PICALM: variants seen among roughly 807,000 people sequenced by gnomAD.
PICALM encodes phosphatidylinositol-binding clathrin assembly protein.
In PICALM, 40 loss-of-function variants were observed where a neutral mutation model predicts 80.5. The observed-to-expected ratio is 0.50, with a 90% CI of 0.39 to 0.65. The LOEUF is 0.65. PICALM is among the 30% of genes least tolerant of loss of function. The probability of loss-of-function intolerance (pLI) is 0.00; values close to 1 mark genes in which losing one functional copy is unlikely to be tolerated. For missense variants in PICALM, 676 were observed against 778.9 expected (o/e 0.87, Z 1.57); for synonymous variants, 288 against 260.3 (o/e 1.11, Z -1.02).
At chr11:86,037,090 G>A (rs1213744528) in intron 1 of PICALM, among the ~76,000 whole-genome samples, 28 of 146,758 alleles carry the variant, frequency 1.9e-4, no homozygotes. Context: ...GGACTACAGG[G>A]GCCCGCCACC....
chr11:86,034,106 T>TA (rs559349103), intron 1 of PICALM, among the ~76,000 whole-genome samples: 3 of 151,918 alleles, frequency 2.0e-5, no homozygotes, highest in Non-Finnish European at 4.4e-5. Flanking sequence ...CTCCAGAAGC[T>TA]AAAAAAAATT....
intron 11 of PICALM, among the ~76,000 whole-genome samples, chr11:86,000,398 G>A (rs914049672): frequency 2.6e-5 from 4 of 152,156 alleles, no homozygotes; most frequent in Admixed American, 2.0e-4. Flanking sequence ...TTGGCCCAGA[G>A]ATAACAGCTA....
At chr11:86,051,754 C>T (rs567345411) in intron 1 of PICALM, among the ~76,000 whole-genome samples, 2 of 152,290 alleles carry the variant, frequency 1.3e-5, no homozygotes, top group Admixed American at 6.5e-5. Flanking sequence ...AAGCTCTCTC[C>T]TATCTATATC....
intron 3 of PICALM, among the ~76,000 whole-genome samples, chr11:86,024,265 T>C (rs987095125): frequency 1.3e-5 from 2 of 151,992 alleles, no homozygotes; most frequent in South Asian, 4.2e-4. Context: ...ATATAATGCA[T>C]TTTGTAACAA....
chr11:86,056,147 A>AAAAAG (rs1366486682), intron 1 of PICALM, among the ~76,000 whole-genome samples: 1 of 148,790 alleles, frequency 6.7e-6, no homozygotes, highest in African/African-American at 2.5e-5. Context: ...AAAAAAAAAA[A>AAAAAG]AAAGAAAAAA....
intron 1 of PICALM, among the ~76,000 whole-genome samples, chr11:86,053,119 G>A (rs188272732): frequency 2.9e-4 from 44 of 152,286 alleles, no homozygotes; most frequent in Non-Finnish European, 5.4e-4. Context: ...CTAGACTGAG[G>A]ACAGATTAGT....
intron 8 of PICALM, among the ~76,000 whole-genome samples, chr11:86,007,078 C>G (rs923727530): frequency 1.3e-5 from 2 of 151,978 alleles, no homozygotes; most frequent in Admixed American, 1.3e-4. Context: ...TTCGACGTAT[C>G]CCAAACCCTA....
chr11:86,068,328 A>G (rs1225726531), intron 1 of PICALM, among the ~76,000 whole-genome samples: 1 of 152,038 alleles, frequency 6.6e-6, no homozygotes, highest in African/African-American at 2.4e-5. Context: ...TGCAGTGGAG[A>G]CGGGTAGGGG....
intron 1 of PICALM, among the ~76,000 whole-genome samples, chr11:86,049,268 G>A (rs1203306188): frequency 6.6e-6 from 1 of 152,076 alleles, no homozygotes; most frequent in Non-Finnish European, 1.5e-5. Context: ...GGGTGACAAA[G>A]CAAGACTGTC....
At chr11:86,063,795 T>C (rs1283570137) in intron 1 of PICALM, among the ~76,000 whole-genome samples, 1 of 152,068 alleles carries the variant, frequency 6.6e-6, no homozygotes, top group Non-Finnish European at 1.5e-5. Context: ...ATATAAATCA[T>C]ATGACTAATT....
chr11:86,014,895 TGATTCTGAA>T lies in PICALM; in HGVS notation c.512_520del (p.Ile171_Gln174delinsLys). 1 of 1,579,484 alleles carries T rather than the reference TGATTCTGAA, an allele frequency of 6.3e-7. No homozygotes were observed. Among genetic ancestry groups the T allele is most frequent in the Non-Finnish European group, 8.7e-7 (1 of 1,154,056 alleles). On this transcript the variant is annotated inframe_deletion, in exon 5 of 20. Transcript: ENST00000393346. Reference sequence around the variant, plus strand: ...ATTAAAATCAAGAAGTGCATCCATCTGATTCTGAATAATTGGTACAGTTTTTAGGAGTTT... The same window carrying T: ...ATTAAAATCAAGAAGTGCATCCATCTTAATTGGTACAGTTTTTAGGAGTTT...
intron 14 of PICALM, among the ~76,000 whole-genome samples, chr11:85,983,591 C>T (rs1178562083): frequency 1.3e-5 from 2 of 152,140 alleles, no homozygotes; most frequent in African/African-American, 2.4e-5. Context: ...CACATAGTCA[C>T]AAGCAACTTA....
chr11:86,013,749 C>T (rs1295365630), intron 5 of PICALM, among the ~76,000 whole-genome samples: 3 of 152,130 alleles, frequency 2.0e-5, no homozygotes. Flanking sequence ...TGCATCAGTA[C>T]CCCATGCCTT....
At chr11:86,022,179 TA>T (rs1264877308) in intron 4 of PICALM, among the ~76,000 whole-genome samples, 187 bp downstream of exon 4, 2 of 152,126 alleles carry the variant, frequency 1.3e-5, no homozygotes, top group Non-Finnish European at 2.9e-5. Flanking sequence ...GATATCTCAA[TA>T]AAGGTGCTAT....
intron 12 of PICALM, among the ~76,000 whole-genome samples, chr11:85,990,885 C>T (rs1389428829): frequency 2.6e-5 from 4 of 151,542 alleles, no homozygotes; most frequent in African/African-American, 9.7e-5. Flanking sequence ...TGCATAGATT[C>T]AAAATAAAAA....
At chr11:86,056,011 C>G (rs112356887) in intron 1 of PICALM, among the ~76,000 whole-genome samples, 1 of 151,234 alleles carries the variant, frequency 6.6e-6, no homozygotes, top group Non-Finnish European at 1.5e-5. Flanking sequence ...TGGCACATGC[C>G]TGTAGTCCCA....
chr11:85,986,669 C>A (rs868590347), intron 13 of PICALM, among the ~76,000 whole-genome samples: 1 of 152,094 alleles, frequency 6.6e-6, no homozygotes, highest in African/African-American at 2.4e-5. Context: ...GGATTACAGG[C>A]GTGAGCCACC....
rs573312549 is a variant in PICALM, at chr11:86,007,358, G to C, written c.807+184C>G. ...CAGTGGGTAGGCAACAAATATAAGTGGTAAGCAGATCATTTTACGTGGTCA... is the reference window on the plus strand; with the variant it reads ...CAGTGGGTAGGCAACAAATATAAGTCGTAAGCAGATCATTTTACGTGGTCA... On this transcript the variant is annotated intron_variant, in intron 8 of 19. Coordinates refer to ENST00000393346, the MANE Select transcript of PICALM (RefSeq NM_007166.4). 4 of 390,882 alleles carry C rather than the reference G, an allele frequency of 1.0e-5. No individual in the cohort carries two copies. The East Asian group carries it at 1.7e-4, about 17-fold the overall frequency. The allele number at this position is 390,882 out of a possible 1,614,324, so 24.2% of individuals were successfully genotyped here.
At chr11:85,964,541 C>T (rs2093808439) in intron 19 of PICALM, among the ~76,000 whole-genome samples, 1 of 152,204 alleles carries the variant, frequency 6.6e-6, no homozygotes, top group South Asian at 2.1e-4. Context: ...ACTCAGCATG[C>T]TGCCTGGCAT....
Sources: gnomAD v4.1 joint callset for allele counts (sites outside exome capture counted in the v4.1 genomes callset) on GRCh38, gnomAD v4.1.1 for gene constraint, MANE v1.5 for transcripts, NCBI Gene and HGNC (gene_info 2026-07-23, HGNC 2026-07-21) for gene names.